SMARCC2: variants seen among roughly 807,000 people sequenced by gnomAD.
The protein encoded by SMARCC2 is SWI/SNF complex subunit SMARCC2.
Under a neutral mutation model 151.3 loss-of-function variants are expected in SMARCC2, and 15 were observed. That is an observed-to-expected ratio of 0.10 (90% CI 0.07 to 0.15). The LOEUF (loss-of-function observed/expected upper bound fraction) is 0.15. SMARCC2 is among the 10% of genes least tolerant of loss of function. SMARCC2 has a pLI of 1.00. For missense variants in SMARCC2, 1,031 were observed against 1,599.7 expected, an observed-to-expected ratio of 0.64 and a Z score of 6.06; for synonymous variants, 590 against 609.5, an observed-to-expected ratio of 0.97 and a Z score of 0.47.
intron 2 of SMARCC2, 130 bp downstream of exon 2, chr12:56,187,057 T>C (rs1877394905): frequency 3.6e-6 from 3 of 844,804 alleles, no homozygotes; most frequent in Admixed American, 2.6e-5. Context: ...TGATCAGGGA[T>C]AGGGATGGTG....
At chr12:56,181,652 G>A (rs1192991778) in intron 9 of SMARCC2, 52 bp downstream of exon 9, 19 of 1,613,486 alleles carry the variant, frequency 1.2e-5, no homozygotes, top group Middle Eastern at 1.6e-4. Flanking sequence ...CTGAAGATTT[G>A]TTCTGAGACT....
At chr12:56,188,480 G>C (rs961192700) in intron 1 of SMARCC2, among the ~76,000 whole-genome samples, 5 of 152,194 alleles carry the variant, frequency 3.3e-5, no homozygotes, top group Admixed American at 3.3e-4. Flanking sequence ...GAAAAAGAGA[G>C]GCAGACCATT....
chr12:56,170,032 G>A, intron 23 of SMARCC2, 112 bp downstream of exon 23: 1 of 1,430,366 alleles, frequency 7.0e-7, no homozygotes, highest in Non-Finnish European at 9.8e-7. Context: ...CTGATTCTAG[G>A]AGACAACCCC....
intron 25 of SMARCC2, among the ~76,000 whole-genome samples, chr12:56,169,073 C>G (rs914940483): frequency 6.6e-6 from 1 of 152,068 alleles, no homozygotes; most frequent in African/African-American, 2.4e-5. Context: ...GCGGGTGGAT[C>G]ACCTGAGGTT....
chr12:56,176,547 G>T (rs866665600), intron 15 of SMARCC2, among the ~76,000 whole-genome samples: 2 of 151,922 alleles, frequency 1.3e-5, no homozygotes, highest in Non-Finnish European at 2.9e-5. Flanking sequence ...GCGCAATCTC[G>T]GCTCACTGCA....
In SMARCC2 at chr12:56,187,441, TA is replaced by T. The variant is rs534965897; in HGVS notation, c.112-136del. The T allele has an allele frequency of 4.5e-5, 38 of 835,476 alleles. No individual in the cohort carries two copies. In the African/African-American group the frequency reaches 4.6e-4, roughly 10 times the overall value. 51.8% of individuals were successfully genotyped at this position (835,476 alleles called of 1,614,324 possible). A position where few individuals can be genotyped will look rare whatever the true frequency, so the allele number is the denominator to read the frequency against. ...TGCCCTTCTCCCCATTTAGTCTCTA[TA>T]AAGAAAATGGCAAAAGGGAGGCCCT... On this transcript the variant is annotated intron_variant, in intron 1 of 28. Coordinates refer to ENST00000550164, the MANE Select transcript of SMARCC2 (RefSeq NM_001330288.2).
rs748542173 is a variant in SMARCC2, at chr12:56,182,058, C to T, written c.654G>A (p.Ala218=). ...CTTCCACAGATGCCTCAATTTCACT[C>T]GCTGGGATCCACGTGTCGTAACTGC... ...YPDSYDTWIP[A]SEIEASVEDA... Residue 218 remains alanine, a synonymous_variant, in exon 8 of 29, where the codon GCG becomes GCA. Transcript: ENST00000550164. 20 of 1,612,808 alleles carry T rather than the reference C, an allele frequency of 1.2e-5. No individual in the cohort carries two copies. Among genetic ancestry groups the T allele is most frequent in the East Asian group, 8.9e-5 (4 of 44,882 alleles).
intron 3 of SMARCC2, chr12:56,185,322 GCA>G: frequency 1.9e-6 from 1 of 521,304 alleles, no homozygotes; most frequent in South Asian, 2.0e-5. Context: ...GGGACTATAG[GCA>G]CACACCACCT....
Position 56,165,334 on chromosome 12 carries a change from G to T in SMARCC2, c.3216C>A (p.Pro1072=). The T allele has an allele frequency of 6.7e-7, 1 of 1,495,324 alleles. No individual in the cohort carries two copies. Among genetic ancestry groups the T allele is most frequent in the Non-Finnish European group, 8.9e-7 (1 of 1,125,670 alleles). 92.6% of individuals were successfully genotyped at this position (1,495,324 alleles called of 1,614,324 possible). The change falls in exon 27 of 29, where the codon CCC becomes CCA. Residue 1072 remains proline (P), a synonymous_variant. Transcript: ENST00000550164. ...AACACTTACCATGGGGTCCAGGGGG[G>T]GGAACCCCTGGTGGGACTGCCCCAG... ...PQPGAVPPGV[P]PPGPHGPSPF...
chr12:56,178,901 C>T, intron 12 of SMARCC2, 54 bp from the exon 13 acceptor site: 1 of 1,605,640 alleles, frequency 6.2e-7, no homozygotes, highest in Admixed American at 1.7e-5. Flanking sequence ...GGCAAGAAAG[C>T]CCTACCAAAA....
Position 56,189,343 on chromosome 12 carries a change from C to T in SMARCC2, c.111+8G>A, listed in dbSNP as rs1565929083. The T allele has an allele frequency of 1.3e-6, 2 of 1,495,866 alleles. No individual in the cohort carries two copies. The highest frequency in any genetic ancestry group is 5.5e-5 in the East Asian group (2 of 36,520). The allele number at this position is 1,495,866 out of a possible 1,614,324, so 92.7% of individuals were successfully genotyped here. A position where few individuals can be genotyped will look rare whatever the true frequency, so the allele number is the denominator to read the frequency against. Reference sequence around the variant, plus strand: ...CGGTCCCCGCGCGGCCCGGCCCGGCCCGCGTACCTTCTTGTAGTTCTTGCC... The same window carrying T: ...CGGTCCCCGCGCGGCCCGGCCCGGCTCGCGTACCTTCTTGTAGTTCTTGCC... On this transcript the variant is annotated splice_region_variant and intron_variant, in intron 1 of 28. Transcript: ENST00000550164.
intron 3 of SMARCC2, chr12:56,185,891 C>T: frequency 2.0e-6 from 1 of 495,584 alleles, no homozygotes; most frequent in Non-Finnish European, 3.6e-6. Context: ...TCTGTGCTTA[C>T]TTCAAAGGGA....
Position 56,188,092 on chromosome 12 carries a change from G to A in SMARCC2, c.112-786C>T, listed in dbSNP as rs193049476. Among the ~76,000 whole-genome samples, 378 of 152,236 alleles carry A rather than the reference G, an allele frequency of 2.5e-3. 4 individuals carry two copies. Among genetic ancestry groups the A allele is most frequent in the African/African-American group, 8.7e-3 (363 of 41,524 alleles). Reference sequence around the variant, plus strand: ...AAGAAGACAGTGCCTCTCAGTGAGAGGTGAAAAGAGATAGATCTGTGAAGG... The same window carrying A: ...AAGAAGACAGTGCCTCTCAGTGAGAAGTGAAAAGAGATAGATCTGTGAAGG... On this transcript the variant is annotated intron_variant, in intron 1 of 28. Coordinates refer to ENST00000550164, the MANE Select transcript of SMARCC2 (RefSeq NM_001330288.2).
chr12:56,179,974 C>T (rs1156422662), intron 11 of SMARCC2, among the ~76,000 whole-genome samples: 12 of 151,958 alleles, frequency 7.9e-5, no homozygotes, highest in African/African-American at 1.5e-4. Flanking sequence ...CGTAAGCCAC[C>T]GCGCCCTGAT....
chr12:56,181,177 A>C (rs749804117), intron 10 of SMARCC2, 76 bp from the exon 11 acceptor site: 88 of 1,461,576 alleles, frequency 6.0e-5, no homozygotes, highest in Non-Finnish European at 8.2e-5. Context: ...GTTCAAGGGA[A>C]GGGAAGTGAC....
chr12:56,172,546 G>T, intron 19 of SMARCC2, 39 bp downstream of exon 19: 2 of 1,613,502 alleles, frequency 1.2e-6, no homozygotes, highest in South Asian at 2.2e-5. Flanking sequence ...TCTGAGGAGC[G>T]AACATTCTCT....
At chr12:56,184,792 C>G in intron 5 of SMARCC2, 52 bp downstream of exon 5, 1 of 1,111,582 alleles carries the variant, frequency 9.0e-7, no homozygotes, top group Non-Finnish European at 1.4e-6. Context: ...ATAGAAAACA[C>G]TGGGAAAACA....
At position 56,164,694 on chromosome 12, in the gene SMARCC2, T is replaced by G. The variant is rs1872454941; in HGVS notation, c.3270A>C (p.Ser1090=). 1.4e-5 allele frequency: 23 copies of G among 1,611,586 alleles called. No individual in the cohort carries two copies. Among genetic ancestry groups the G allele is most frequent in the Non-Finnish European group, 1.8e-5 (21 of 1,178,920 alleles). The change falls in exon 28 of 29, where the codon TCA becomes TCC. Residue 1090 remains serine (S), a synonymous_variant. Coordinates refer to ENST00000550164, the MANE Select transcript of SMARCC2 (RefSeq NM_001330288.2). ...TGCCTGGCACTGCCCCTGGCATCAT[T>G]GAGGGAGGAGTTTGTTGGTTGGGGA... is the stretch of plus-strand genomic sequence containing the variant. ...SPFPNQQTPP[S]MMPGAVPGSG...
intron 8 of SMARCC2, 82 bp from the exon 9 acceptor site, chr12:56,181,917 A>T: frequency 6.3e-7 from 1 of 1,593,750 alleles, no homozygotes; most frequent in Non-Finnish European, 8.6e-7. Context: ...AAAAAGCTCA[A>T]GGGCATACAA....
Sources: gnomAD v4.1 joint callset for allele counts (sites outside exome capture counted in the v4.1 genomes callset) on GRCh38, gnomAD v4.1.1 for gene constraint, MANE v1.5 for transcripts, NCBI Gene and HGNC (gene_info 2026-07-23, HGNC 2026-07-21) for gene names.